The following MAFF variants were observed in gnomAD, a reference collection of about 807,000 sequenced individuals.
MAFF encodes MAF bZIP transcription factor F, also known as transcription factor MafF.
MAFF carries 4 observed loss-of-function variants against 2.7 expected under a neutral mutation model. The observed-to-expected ratio is 1.48, with a 90% CI of 0.73 to 3.39. The LOEUF (loss-of-function observed/expected upper bound fraction) is 3.39, where lower values mean the gene tolerates loss of function less well. Ranked by LOEUF, MAFF falls within the 30% of genes most tolerant of loss-of-function variation. MAFF has a pLI of 0.01. For missense variants in MAFF, 190 were observed against 246.6 expected (o/e 0.77, Z 1.54); for synonymous variants, 113 against 119.4 (o/e 0.95, Z 0.35).
At chr22:38,208,135 C>T (rs554958996) in intron 1 of MAFF, among the ~76,000 whole-genome samples, 1 of 152,316 alleles carries the variant, frequency 6.6e-6, no homozygotes, top group East Asian at 1.9e-4. Context: ...GACCCCAGTG[C>T]TGGCTACAGG....
At chr22:38,213,743 G>T in intron 1 of MAFF, 80 bp from the exon 2 acceptor site, 1 of 1,029,992 alleles carries the variant, frequency 9.7e-7, no homozygotes, top group East Asian at 2.4e-5. Flanking sequence ...GGCCTTGAAT[G>T]GCAAGGTAGT....
rs2091026383 is a variant in MAFF at position 38,202,990 on chromosome 22, G to A, written c.-32+778G>A. On this transcript the variant is annotated intron_variant, in intron 1 of 2. Transcript: ENST00000338483. The surrounding 1 kb of genome is among the most constrained non-coding windows in gnomAD (Gnocchi z 7.4). ...CCCAGAGCCCGCGCCCGCAGCCACA[G>A]GGTGGGGCAAGGTATCAAAGACCCC... The A allele has an allele frequency of 6.6e-6, 1 of 152,342 alleles. No individual in the cohort carries two copies. The highest frequency in any genetic ancestry group is 2.1e-4 in the South Asian group (1 of 4,830). 9.4% of individuals were successfully genotyped at this position (152,342 alleles called of 1,614,324 possible). A position where few individuals can be genotyped will look rare whatever the true frequency, so the allele number is the denominator to read the frequency against.
At chr22:38,211,447 G>A (rs1270927260) in intron 1 of MAFF, among the ~76,000 whole-genome samples, 2 of 151,996 alleles carry the variant, frequency 1.3e-5, no homozygotes, top group African/African-American at 2.4e-5. Flanking sequence ...GGCTGGTCTC[G>A]ATCTCCTGAC....
intron 1 of MAFF, among the ~76,000 whole-genome samples, chr22:38,211,995 T>G (rs2091104869): frequency 6.6e-6 from 1 of 152,144 alleles, no homozygotes; most frequent in South Asian, 2.1e-4. Context: ...TTCTTTTTAT[T>G]TATTTATTTT....
intron 1 of MAFF, among the ~76,000 whole-genome samples, chr22:38,210,623 A>AGGGTGTGTGTGTGTGTGTGT (rs149088492): frequency 7.5e-6 from 1 of 132,920 alleles, no homozygotes; most frequent in Non-Finnish European, 1.6e-5. Context: ...GGACACAGGG[A>AGGGTGTGTGTGTGTGTGTGT]GTGTGTGTGT....
chr22:38,215,011 G>A lies in MAFF; in HGVS notation c.*133G>A, dbSNP rs1392300565. The A allele has an allele frequency of 4.3e-6, 3 of 702,092 alleles. No individual in the cohort carries two copies. The highest frequency in any genetic ancestry group is 5.1e-5 in the Admixed American group (2 of 39,212). The allele number at this position is 702,092 out of a possible 1,614,324, so 43.5% of individuals were successfully genotyped here. A position where few individuals can be genotyped will look rare whatever the true frequency, so the allele number is the denominator to read the frequency against. ...CCCTTGGTGCACACACATTCCCTTC[G>A]TGGGCCCTGTCTTCCTCTTGCAGCC... On this transcript the variant is annotated 3_prime_UTR_variant, in exon 3 of 3. Transcript: ENST00000338483.
In MAFF at chr22:38,215,118, C is replaced by T; in HGVS notation, c.*240C>T. On this transcript the variant is annotated 3_prime_UTR_variant, in exon 3 of 3. Coordinates refer to ENST00000338483, the MANE Select transcript of MAFF (RefSeq NM_012323.4). Reference sequence around the variant, plus strand: ...GGCAGAGGTCTGGATCTGGGATCGCCCTTGGCTGAAAGTTTAGCCTTTTTA... The same window carrying T: ...GGCAGAGGTCTGGATCTGGGATCGCTCTTGGCTGAAAGTTTAGCCTTTTTA... The T allele has an allele frequency of 2.2e-6, 1 of 461,944 alleles. No individual in the cohort carries two copies. Among genetic ancestry groups the T allele is most frequent in the Non-Finnish European group, 4.0e-6 (1 of 250,068 alleles). 28.6% of individuals were successfully genotyped at this position (461,944 alleles called of 1,614,324 possible). A position where few individuals can be genotyped will look rare whatever the true frequency, so the allele number is the denominator to read the frequency against.
chr22:38,208,075 G>A (rs1014944451), intron 1 of MAFF, among the ~76,000 whole-genome samples: 1 of 152,150 alleles, frequency 6.6e-6, no homozygotes, highest in Admixed American at 6.5e-5. Flanking sequence ...GGCCTTTCCT[G>A]CAGTTCCCTG....
intron 1 of MAFF, among the ~76,000 whole-genome samples, chr22:38,211,927 G>A (rs948262597): frequency 9.2e-5 from 14 of 152,174 alleles, no homozygotes; most frequent in South Asian, 4.1e-4. Context: ...TGCTCTTTCC[G>A]ATACGGTACG....
intron 1 of MAFF, among the ~76,000 whole-genome samples, chr22:38,211,948 A>G (rs1371279385): frequency 1.3e-5 from 2 of 152,150 alleles, no homozygotes; most frequent in African/African-American, 4.8e-5. Flanking sequence ...TGTTTATAGG[A>G]TGCTACAGCT....
At chr22:38,206,709 A>G (rs909001987) in intron 1 of MAFF, among the ~76,000 whole-genome samples, 1 of 152,172 alleles carries the variant, frequency 6.6e-6, no homozygotes, top group Non-Finnish European at 1.5e-5. Flanking sequence ...CCACTTAGCA[A>G]GGAATCCAGG....
chr22:38,209,108 C>T (rs1220924988), intron 1 of MAFF, among the ~76,000 whole-genome samples: 1 of 151,834 alleles, frequency 6.6e-6, no homozygotes, highest in African/African-American at 2.4e-5. Context: ...CTCTGTCGCC[C>T]AGGCTGGAGT....
At chr22:38,205,031 G>A (rs767828815) in intron 1 of MAFF, among the ~76,000 whole-genome samples, 2 of 152,118 alleles carry the variant, frequency 1.3e-5, no homozygotes, top group Non-Finnish European at 1.5e-5. Flanking sequence ...GGCTGTGCAG[G>A]TGGAGAAGAG....
intron 1 of MAFF, among the ~76,000 whole-genome samples, chr22:38,209,316 C>A (rs960156441): frequency 6.6e-6 from 1 of 152,084 alleles, no homozygotes; most frequent in Non-Finnish European, 1.5e-5. Flanking sequence ...CCGCCCGCCT[C>A]AGCCTCCTAA....
chr22:38,204,167 G>C (rs947490613), intron 1 of MAFF: 1 of 152,256 alleles, frequency 6.6e-6, no homozygotes, highest in African/African-American at 2.4e-5. Context: ...CCAGATGCCA[G>C]GGATGAGATG....
chr22:38,209,063 T>C (rs1016984818), intron 1 of MAFF, among the ~76,000 whole-genome samples: 6 of 150,856 alleles, frequency 4.0e-5, no homozygotes, highest in Admixed American at 1.3e-4. Flanking sequence ...TGTTTGCTTG[T>C]TTGTTTTTGT....
At chr22:38,204,157 C>T (rs2091035373) in intron 1 of MAFF, 1 of 152,204 alleles carries the variant, frequency 6.6e-6, no homozygotes. Context: ...TTGTCCTGGA[C>T]CAGATGCCAG....
In MAFF at chr22:38,214,646, G is replaced by T. The variant is rs1204132116; in HGVS notation, c.263G>T (p.Arg88Leu). The change falls in exon 3 of 3, where the codon CGC becomes CTC. Residue 88 changes from arginine (R) to leucine (L), a missense_variant. Transcript: ENST00000338483. The surrounding 1 kb of genome is among the most constrained non-coding windows in gnomAD (Gnocchi z 6.3). ...ELQKQKSELE[R>L]EVDKLARENA... ...CAGAAGCAGAAGTCGGAGCTGGAGC[G>T]CGAGGTGGACAAGCTGGCGCGCGAG... The T allele has an allele frequency of 6.4e-7, 1 of 1,560,058 alleles. No individual in the cohort carries two copies. Among genetic ancestry groups the T allele is most frequent in the Admixed American group, 1.9e-5 (1 of 52,174 alleles).
At chr22:38,204,418 C>A (rs1230695604) in intron 1 of MAFF, among the ~76,000 whole-genome samples, 1 of 152,098 alleles carries the variant, frequency 6.6e-6, no homozygotes, top group African/African-American at 2.4e-5. Flanking sequence ...TCTGTGAAGC[C>A]CTTGAAGGCA....
Sources: allele counts gnomAD v4.1 joint callset (sites outside exome capture counted in the v4.1 genomes callset), GRCh38; gene constraint gnomAD v4.1.1; non-coding constraint Gnocchi (gnomAD v3.1); transcripts MANE v1.5; gene names NCBI Gene and HGNC (gene_info 2026-07-23, HGNC 2026-07-21).